Variants in ARHGAP15 observed in about 807,000 individuals in gnomAD.
ARHGAP15 encodes rho GTPase-activating protein 15.
A neutral mutation model predicts 63.7 loss-of-function variants in ARHGAP15; 51 were observed. The ratio of observed to expected loss-of-function variants is 0.80; its 90% confidence interval spans 0.64 to 1.01. The LOEUF (loss-of-function observed/expected upper bound fraction) is 1.01. ARHGAP15 is among the 50% of genes least tolerant of loss of function. The pLI, the probability that ARHGAP15 is intolerant of heterozygous loss-of-function variation, is 0.00. For synonymous variants in ARHGAP15, 191 were observed against 193.8 expected, an observed-to-expected ratio of 0.99 and a Z score of 0.12; for missense variants, 560 against 564.6, an observed-to-expected ratio of 0.99 and a Z score of 0.08.
At chr2:143,440,808 G>A (rs1333322625) in intron 8 of ARHGAP15, among the ~76,000 whole-genome samples, 1 of 152,170 alleles carries the variant, frequency 6.6e-6, no homozygotes, top group Non-Finnish European at 1.5e-5. Context: ...GATGAGAGTA[G>A]GAGAGCAGCT....
intron 1 of ARHGAP15, among the ~76,000 whole-genome samples, chr2:143,144,360 G>T (rs528117221): frequency 3.3e-5 from 5 of 151,992 alleles, no homozygotes; most frequent in Non-Finnish European, 7.4e-5. Context: ...AAACTAATTT[G>T]TACTCCCACC....
At chr2:143,568,546 C>A (rs185357063) in intron 11 of ARHGAP15, among the ~76,000 whole-genome samples, 3 of 152,140 alleles carry the variant, frequency 2.0e-5, no homozygotes, top group Non-Finnish European at 2.9e-5. Context: ...GAAATAGGAA[C>A]GTTTTTACAC....
chr2:143,290,215 G>A (rs1304537387), intron 6 of ARHGAP15, among the ~76,000 whole-genome samples: 1 of 152,132 alleles, frequency 6.6e-6, no homozygotes, highest in Non-Finnish European at 1.5e-5. Flanking sequence ...GATGCTGAAA[G>A]TGAGGTGGTT....
chr2:143,354,320 C>T (rs937579126), intron 6 of ARHGAP15, among the ~76,000 whole-genome samples: 3 of 152,126 alleles, frequency 2.0e-5, no homozygotes, highest in Admixed American at 6.5e-5. Context: ...ACAAGTGTCT[C>T]ATTGAAAGCA....
intron 13 of ARHGAP15, among the ~76,000 whole-genome samples, chr2:143,730,780 G>C (rs1685490761): frequency 6.6e-6 from 1 of 151,420 alleles, no homozygotes; most frequent in African/African-American, 2.4e-5. Context: ...AAGTAGTAAA[G>C]TGGCTTCCAG....
chr2:143,405,397 G>T (rs1688158518), intron 6 of ARHGAP15, among the ~76,000 whole-genome samples: 1 of 151,146 alleles, frequency 6.6e-6, no homozygotes, highest in Non-Finnish European at 1.5e-5. Flanking sequence ...TATTCTTACG[G>T]TTATCCTTGT....
intron 6 of ARHGAP15, among the ~76,000 whole-genome samples, chr2:143,278,396 C>A (rs1282835083): frequency 6.6e-6 from 1 of 152,042 alleles, no homozygotes; most frequent in East Asian, 1.9e-4. Context: ...CTATAACCTG[C>A]GAGAGGAATG....
intron 6 of ARHGAP15, among the ~76,000 whole-genome samples, chr2:143,383,230 C>A (rs147130048): frequency 0.016 from 2,438 of 152,226 alleles, 21 homozygotes; most frequent in Admixed American, 0.024. Flanking sequence ...CCTAAGAAGG[C>A]TTCAAAGTTT....
At chr2:143,548,865 G>A (rs749080526) in intron 10 of ARHGAP15, among the ~76,000 whole-genome samples, 11 of 151,972 alleles carry the variant, frequency 7.2e-5, no homozygotes, top group Non-Finnish European at 1.6e-4. Flanking sequence ...AAACCAAAAT[G>A]AGATAAAAAT....
chr2:143,467,496 T>C (rs1691286364), intron 8 of ARHGAP15, among the ~76,000 whole-genome samples: 1 of 152,062 alleles, frequency 6.6e-6, no homozygotes, highest in Admixed American at 6.6e-5. Context: ...TTCAGGAAAT[T>C]ATATGTGCAA....
intron 6 of ARHGAP15, among the ~76,000 whole-genome samples, chr2:143,434,555 A>C (rs1689525908): frequency 1.3e-5 from 2 of 152,104 alleles, no homozygotes. Flanking sequence ...CCTGTGCCAC[A>C]TTTCAGCGTT....
chr2:143,479,773 C>A (rs1296517953), intron 8 of ARHGAP15, among the ~76,000 whole-genome samples: 3 of 151,718 alleles, frequency 2.0e-5, no homozygotes, highest in Non-Finnish European at 2.9e-5. Flanking sequence ...AAAAAAATGT[C>A]ATTGTGTTTC....
chr2:143,236,192 A>G, intron 5 of ARHGAP15: 2 of 452,840 alleles, frequency 4.4e-6, no homozygotes, highest in Non-Finnish European at 7.7e-6. Flanking sequence ...TGAATAGTAT[A>G]TGATCCCTGC....
chr2:143,173,181 T>C (rs1459776564), intron 2 of ARHGAP15, among the ~76,000 whole-genome samples: 1 of 152,116 alleles, frequency 6.6e-6, no homozygotes, highest in East Asian at 1.9e-4. Context: ...TAGATGTAAA[T>C]ATTGGTATAT....
chr2:143,541,219 C>T (rs1225129335), intron 10 of ARHGAP15, among the ~76,000 whole-genome samples: 2 of 152,208 alleles, frequency 1.3e-5, no homozygotes, highest in African/African-American at 4.8e-5. Context: ...CCATGGTTTT[C>T]AGCTCCATCA....
chr2:143,490,981 A>G (rs1474523077), intron 9 of ARHGAP15, among the ~76,000 whole-genome samples: 1 of 152,206 alleles, frequency 6.6e-6, no homozygotes, highest in Non-Finnish European at 1.5e-5. Context: ...TTAAGATATC[A>G]AATAAAGTGG....
chr2:143,552,118 C>T (rs540298805), intron 10 of ARHGAP15, among the ~76,000 whole-genome samples: 2 of 152,158 alleles, frequency 1.3e-5, no homozygotes, highest in Non-Finnish European at 2.9e-5. Context: ...TAGCTCTGGC[C>T]TCCTAGGAAT....
intron 13 of ARHGAP15, among the ~76,000 whole-genome samples, chr2:143,734,359 G>C (rs891103083): frequency 6.6e-6 from 1 of 152,144 alleles, no homozygotes; most frequent in Non-Finnish European, 1.5e-5. Context: ...TCTCAATTAA[G>C]TGCTAATTAA....
chr2:143,730,556 G>A (rs1685481620), intron 13 of ARHGAP15, among the ~76,000 whole-genome samples: 1 of 152,248 alleles, frequency 6.6e-6, no homozygotes, highest in African/African-American at 2.4e-5. Flanking sequence ...AAGCCACTTA[G>A]GAAGTTGCTG....
Sources: allele counts gnomAD v4.1 joint callset (sites outside exome capture counted in the v4.1 genomes callset), GRCh38; gene constraint gnomAD v4.1.1; transcripts MANE v1.5; gene names NCBI Gene and HGNC (gene_info 2026-07-23, HGNC 2026-07-21).